The following ST8SIA6 variants were observed in gnomAD, a reference collection of about 807,000 sequenced individuals.
The protein encoded by ST8SIA6 is alpha-2,8-sialyltransferase 8F.
A neutral mutation model predicts 33.6 loss-of-function variants in ST8SIA6; 39 were observed. The ratio of observed to expected loss-of-function variants is 1.16; its 90% CI spans 0.90 to 1.52. The LOEUF (loss-of-function observed/expected upper bound fraction) is 1.52. ST8SIA6 is among the 40% of genes most tolerant of loss of function. The probability of loss-of-function intolerance (pLI) is 0.00; values close to 1 mark genes in which losing one functional copy is unlikely to be tolerated. For missense variants in ST8SIA6, 441 were observed against 443.8 expected, an observed-to-expected ratio of 0.99 and a Z score of 0.06; for synonymous variants, 172 against 167.2, an observed-to-expected ratio of 1.03 and a Z score of -0.22.
At chr10:17,416,194 T>A (rs1395460224) in intron 2 of ST8SIA6, among the ~76,000 whole-genome samples, 2 of 152,242 alleles carry the variant, frequency 1.3e-5, no homozygotes, top group Admixed American at 6.5e-5. Flanking sequence ...CTCCTGGTTT[T>A]CTTTCTGCAT....
chr10:17,357,820 C>T (rs1001075023), intron 4 of ST8SIA6, among the ~76,000 whole-genome samples: 3 of 152,178 alleles, frequency 2.0e-5, no homozygotes, highest in Non-Finnish European at 1.5e-5. Context: ...TCTATCTTTC[C>T]AGCTAATTAT....
chr10:17,380,402 C>G (rs1281616871), intron 3 of ST8SIA6, among the ~76,000 whole-genome samples: 1 of 152,164 alleles, frequency 6.6e-6, no homozygotes, highest in African/African-American at 2.4e-5. Flanking sequence ...TTTGTGTGAT[C>G]ATTGTTAGTT....
At chr10:17,395,924 C>A (rs1458142492) in intron 2 of ST8SIA6, among the ~76,000 whole-genome samples, 2 of 152,104 alleles carry the variant, frequency 1.3e-5, no homozygotes, top group African/African-American at 4.8e-5. Context: ...GAAAAAATGA[C>A]CTGTTCACAT....
rs1310136782 is a variant in ST8SIA6, at chr10:17,317,511, T to C, written c.*3367A>G. On this transcript the variant is annotated 3_prime_UTR_variant, in exon 8 of 8. Transcript: ENST00000377602. ...TTCAATTTTTAATGGCATAATAATG[T>C]GTTTCCATGTCATGTTAGATAAATA... Among the ~76,000 whole-genome samples the C allele has an allele frequency of 6.6e-6, 1 of 152,200 alleles. No homozygotes were observed. The highest frequency in any genetic ancestry group is 1.5e-5 in the Non-Finnish European group (1 of 68,028).
intron 4 of ST8SIA6, among the ~76,000 whole-genome samples, chr10:17,358,698 G>GA (rs1849283299): frequency 1.7e-5 from 1 of 57,496 alleles, no homozygotes; most frequent in African/African-American, 7.6e-5. Context: ...GAGGAAAAAG[G>GA]AGGAGGAGGA....
At chr10:17,432,015 G>A (rs1032583962) in intron 2 of ST8SIA6, among the ~76,000 whole-genome samples, 1 of 152,132 alleles carries the variant, frequency 6.6e-6, no homozygotes, top group African/African-American at 2.4e-5. Context: ...GCCGGAAGCC[G>A]AAAACCGGAA....
At chr10:17,447,454 C>A (rs1236408322) in intron 2 of ST8SIA6, among the ~76,000 whole-genome samples, 1 of 151,748 alleles carries the variant, frequency 6.6e-6, no homozygotes, top group Non-Finnish European at 1.5e-5. Flanking sequence ...ACAAGGAAAG[C>A]TTTCATGAAC....
chr10:17,432,131 A>G (rs970311549), intron 2 of ST8SIA6, among the ~76,000 whole-genome samples: 7 of 152,174 alleles, frequency 4.6e-5, no homozygotes, highest in African/African-American at 1.4e-4. Context: ...TATGTTCTAG[A>G]AATAACTGGA....
rs1848381769 is a variant in ST8SIA6 at position 17,333,690 on chromosome 10, TATATATATATATATA to T, written c.378-2153_378-2139del. 3.3e-4 allele frequency among the ~76,000 whole-genome samples: 13 copies of T among 39,168 alleles called. 1 individual carries two copies. Among genetic ancestry groups the T allele is most frequent in the East Asian group, 1.6e-3 (3 of 1,840 alleles). The allele number at this position is 39,168 out of a possible 152,430, so 25.7% of individuals were successfully genotyped here. A position where few individuals can be genotyped will look rare whatever the true frequency, so the allele number is the denominator to read the frequency against. Reference sequence around the variant, plus strand: ...GTGCTGGGATATATATATATATATATATATATATATATATATATATATATATATTTTTTTTTTTTT... The same window carrying T: ...GTGCTGGGATATATATATATATATATTATATATATATATTTTTTTTTTTTT... On this transcript the variant is annotated intron_variant, in intron 4 of 7. Coordinates refer to ENST00000377602, the MANE Select transcript of ST8SIA6 (RefSeq NM_001004470.3).
At chr10:17,358,716 AGAAAG>A (rs1849284525) in intron 4 of ST8SIA6, among the ~76,000 whole-genome samples, 2 of 129,490 alleles carry the variant, frequency 1.5e-5, no homozygotes, top group Non-Finnish European at 1.7e-5. Context: ...GGAGGAAAGA[AGAAAG>A]AAGAAGAGGA....
chr10:17,318,761 C>G lies in ST8SIA6; in HGVS notation c.*2117G>C, dbSNP rs1256162311. 2.1e-6 allele frequency: 1 copy of G among 468,206 alleles called. No individual in the cohort carries two copies. Among genetic ancestry groups the G allele is most frequent in the African/African-American group, 2.0e-5 (1 of 49,792 alleles). 29.0% of individuals were successfully genotyped at this position (468,206 alleles called of 1,614,324 possible). On this transcript the variant is annotated 3_prime_UTR_variant, in exon 8 of 8. Transcript: ENST00000377602. ...TGGTGAAAAATTTGCAATGATTCAC[C>G]AATACAGAACAAAAAGAACTGTGAC...
intron 3 of ST8SIA6, among the ~76,000 whole-genome samples, chr10:17,374,715 A>AAAAT (rs200761061): frequency 0.024 from 3,247 of 134,764 alleles, 122 homozygotes; most frequent in East Asian, 0.076. Flanking sequence ...CTCTGTCTCA[A>AAAAT]AAATAAATAA....
chr10:17,362,422 G>A (rs192181626), intron 3 of ST8SIA6, among the ~76,000 whole-genome samples: 260 of 152,212 alleles, frequency 1.7e-3, no homozygotes, highest in African/African-American at 5.9e-3. Flanking sequence ...CATTTTTAAG[G>A]ATCAAATATC....
intron 3 of ST8SIA6, among the ~76,000 whole-genome samples, chr10:17,374,587 G>T (rs1342379457): frequency 2.0e-5 from 3 of 151,700 alleles, no homozygotes; most frequent in Non-Finnish European, 4.4e-5. Flanking sequence ...GCCAGGCATG[G>T]TGGCGGGCAC....
At chr10:17,380,478 G>A (rs113448492) in intron 3 of ST8SIA6, among the ~76,000 whole-genome samples, 275 of 152,156 alleles carry the variant, frequency 1.8e-3, no homozygotes, top group African/African-American at 6.3e-3. Flanking sequence ...TAAATTATGG[G>A]GAACAGGGTC....
At chr10:17,397,230 TTTG>T (rs1420645638) in intron 2 of ST8SIA6, among the ~76,000 whole-genome samples, 1 of 91,792 alleles carries the variant, frequency 1.1e-5, no homozygotes, top group Non-Finnish European at 2.3e-5. Flanking sequence ...CAAATTGTTT[TTTG>T]TTTTTTTTTT....
chr10:17,423,874 T>C (rs1851854893), intron 2 of ST8SIA6, among the ~76,000 whole-genome samples: 1 of 152,204 alleles, frequency 6.6e-6, no homozygotes, highest in Non-Finnish European at 1.5e-5. Flanking sequence ...TGTAGATAAC[T>C]AAAGTGATGC....
intron 2 of ST8SIA6, among the ~76,000 whole-genome samples, chr10:17,397,239 T>TG (rs1289639884): frequency 4.3e-4 from 63 of 146,154 alleles, no homozygotes; most frequent in South Asian, 4.0e-3. Flanking sequence ...TTTTGTTTTT[T>TG]TTTTTTTTTT....
At chr10:17,400,025 G>A (rs1214033757) in intron 2 of ST8SIA6, among the ~76,000 whole-genome samples, 1 of 152,070 alleles carries the variant, frequency 6.6e-6, no homozygotes, top group Non-Finnish European at 1.5e-5. Context: ...AAAGGAGAAT[G>A]CAGAGCACCA....
Sources: gnomAD v4.1 joint callset for allele counts (sites outside exome capture counted in the v4.1 genomes callset) on GRCh38, gnomAD v4.1.1 for gene constraint, MANE v1.5 for transcripts, NCBI Gene and HGNC (gene_info 2026-07-23, HGNC 2026-07-21) for gene names.